The following STX1A variants were observed in gnomAD, a reference collection of about 807,000 sequenced individuals.
STX1A encodes the protein syntaxin 1A, also known as syntaxin-1A.
Under a neutral mutation model 37.8 loss-of-function variants are expected in STX1A, and 4 were observed. The observed-to-expected ratio is 0.11, with a 90% CI of 0.05 to 0.24. STX1A has a LOEUF of 0.24. Ranked by LOEUF, STX1A falls within the 10% of genes least tolerant of loss-of-function variation. STX1A has a pLI of 1.00. For synonymous variants in STX1A, 135 were observed against 147.4 expected (o/e 0.92, Z 0.61); for missense variants, 251 against 399.9 (o/e 0.63, Z 3.18).
rs1798592306 is a variant in STX1A, at chr7:73,700,145, C to G, written c.*262G>C. 1 of 549,704 alleles carries G rather than the reference C, an allele frequency of 1.8e-6. No homozygotes were observed. Among genetic ancestry groups the G allele is most frequent in the African/African-American group, 1.9e-5 (1 of 52,954 alleles). The allele number at this position is 549,704 out of a possible 1,614,324, so 34.1% of individuals were successfully genotyped here. A position where few individuals can be genotyped will look rare whatever the true frequency, so the allele number is the denominator to read the frequency against. On this transcript the variant is annotated 3_prime_UTR_variant, in exon 10 of 10. Coordinates refer to ENST00000222812, the MANE Select transcript of STX1A (RefSeq NM_004603.4). This position sits in a 1 kb window ranked among gnomAD's most constrained non-coding sequence, Gnocchi z 4.4. ...GTCACCCTGGCGGCCCTGCCTGGGTCTGCTCCTCGCTGTGCACACTGCATC... is the reference window on the plus strand; with the variant it reads ...GTCACCCTGGCGGCCCTGCCTGGGTGTGCTCCTCGCTGTGCACACTGCATC...
chr7:73,702,625 T>C lies in STX1A; in HGVS notation c.678+220A>G. Reference sequence around the variant, plus strand: ...CGGCGGGGTATAGAGGGTGGGGCCATGCAGGGCCTGGGGTCCTTGAAGCTC... The same window carrying C: ...CGGCGGGGTATAGAGGGTGGGGCCACGCAGGGCCTGGGGTCCTTGAAGCTC... On this transcript the variant is annotated intron_variant, in intron 8 of 9. Coordinates refer to ENST00000222812, the MANE Select transcript of STX1A (RefSeq NM_004603.4). The surrounding 1 kb of genome is among the most constrained non-coding windows in gnomAD (Gnocchi z 4.7). 1 of 1,395,044 alleles carries C rather than the reference T, an allele frequency of 7.2e-7. No homozygotes were observed. 86.4% of individuals were successfully genotyped at this position (1,395,044 alleles called of 1,614,324 possible).
intron 3 of STX1A, among the ~76,000 whole-genome samples, chr7:73,707,666 G>C (rs1025275143): frequency 6.6e-6 from 1 of 152,258 alleles, no homozygotes; most frequent in East Asian, 1.9e-4. Context: ...GGGCGTGGGG[G>C]CTCATGCCTG....
intron 4 of STX1A, chr7:73,704,766 C>T: frequency 2.0e-6 from 1 of 509,072 alleles, no homozygotes; most frequent in Non-Finnish European, 3.6e-6. Flanking sequence ...GCCAGGTGGC[C>T]CCTCCTGCAG....
chr7:73,715,278 C>T lies in STX1A; in HGVS notation c.30+4324G>A, dbSNP rs567579207. On this transcript the variant is annotated intron_variant, in intron 1 of 9. Transcript: ENST00000222812. ...TGCTACTAAAAATACAAAAATTAGC[C>T]GGGCATGGTGATGCACACCTGTAGT... is the stretch of plus-strand genomic sequence containing the variant. 1.3e-4 allele frequency among the ~76,000 whole-genome samples: 20 copies of T among 151,888 alleles called. No homozygotes were observed. In the South Asian group the frequency reaches 2.9e-3, roughly 22 times the overall value.
chr7:73,711,395 C>T lies in STX1A; in HGVS notation c.31-2273G>A, dbSNP rs554003955. On this transcript the variant is annotated intron_variant, in intron 1 of 9. Transcript: ENST00000222812. ...GGGTAGTTAGGAGCTTTGATAGAGG[C>T]GGCTCAGAGGGGCCTCCTCTCTTTA... The T allele has an allele frequency of 2.6e-5, 4 of 153,664 alleles. No homozygotes were observed. The South Asian group carries it at 6.2e-4, about 24-fold the overall frequency. The allele number at this position is 153,664 out of a possible 1,614,324, so 9.5% of individuals were successfully genotyped here. A position where few individuals can be genotyped will look rare whatever the true frequency, so the allele number is the denominator to read the frequency against.
chr7:73,718,982 G>T (rs1458036742), intron 1 of STX1A, among the ~76,000 whole-genome samples: 4 of 151,690 alleles, frequency 2.6e-5, no homozygotes, highest in Non-Finnish European at 4.4e-5. Context: ...CATACCTGGG[G>T]CGGGCAGTGG....
Position 73,700,186 on chromosome 7 carries a change from C to A in STX1A, c.*221G>T. ...ACACTGCATCACGCCCCGCTGGCTG[C>A]CTCCCTCTGCCTCTTCCCGTACAGA... is the stretch of plus-strand genomic sequence containing the variant. On this transcript the variant is annotated 3_prime_UTR_variant, in exon 10 of 10. Transcript: ENST00000222812. The surrounding 1 kb of genome is among the most constrained non-coding windows in gnomAD (Gnocchi z 4.4). 2 of 602,930 alleles carry A rather than the reference C, an allele frequency of 3.3e-6. No homozygotes were observed. The highest frequency in any genetic ancestry group is 5.9e-6 in the Non-Finnish European group (2 of 338,688). The allele number at this position is 602,930 out of a possible 1,614,324, so 37.3% of individuals were successfully genotyped here.
Position 73,704,750 on chromosome 7 carries a change from G to A in STX1A, c.284-327C>T, listed in dbSNP as rs2116738606. 4 of 512,806 alleles carry A rather than the reference G, an allele frequency of 7.8e-6. No homozygotes were observed. The East Asian group carries it at 1.0e-4, about 13-fold the overall frequency. 31.8% of individuals were successfully genotyped at this position (512,806 alleles called of 1,614,324 possible). A position where few individuals can be genotyped will look rare whatever the true frequency, so the allele number is the denominator to read the frequency against. On this transcript the variant is annotated intron_variant, in intron 4 of 9. Transcript: ENST00000222812. ...TGTACGAGGGACCATGCCCACAGCG[G>A]GGAGAGCCAGGTGGCCCCTCCTGCA...
chr7:73,701,044 T>C, intron 8 of STX1A: 1 of 978,096 alleles, frequency 1.0e-6, no homozygotes, highest in Non-Finnish European at 1.5e-6. Flanking sequence ...CTCCCACATT[T>C]CCCCGCAGAG....
In STX1A at chr7:73,700,124, C is replaced by G; in HGVS notation, c.*283G>C. 1.9e-6 allele frequency: 1 copy of G among 513,738 alleles called. No homozygotes were observed. 31.8% of individuals were successfully genotyped at this position (513,738 alleles called of 1,614,324 possible). On this transcript the variant is annotated 3_prime_UTR_variant, in exon 10 of 10. Coordinates refer to ENST00000222812, the MANE Select transcript of STX1A (RefSeq NM_004603.4). The surrounding 1 kb of genome is among the most constrained non-coding windows in gnomAD (Gnocchi z 4.4). ...AGGCAAGGAAGGGTGGCCTGTGTCA[C>G]CCTGGCGGCCCTGCCTGGGTCTGCT...
At chr7:73,713,684 C>A (rs1357767551) in intron 1 of STX1A, among the ~76,000 whole-genome samples, 1 of 152,176 alleles carries the variant, frequency 6.6e-6, no homozygotes, top group African/African-American at 2.4e-5. Flanking sequence ...GAGCTATGAT[C>A]GTGCCATTGC....
Position 73,700,508 on chromosome 7 carries a change from G to A in STX1A, c.790-24C>T. ...TTCTGCATGGGAAGCGGGCAGGAGA[G>A]GCCTCAGACAGTGTTGGCGGCAGGT... On this transcript the variant is annotated intron_variant, in intron 9 of 9. Transcript: ENST00000222812. This position sits in a 1 kb window ranked among gnomAD's most constrained non-coding sequence, Gnocchi z 4.4. 6.2e-7 allele frequency: 1 copy of A among 1,613,158 alleles called. No homozygotes were observed. Among genetic ancestry groups the A allele is most frequent in the Non-Finnish European group, 8.5e-7 (1 of 1,179,610 alleles).
intron 1 of STX1A, among the ~76,000 whole-genome samples, chr7:73,710,645 G>A (rs1220639744): frequency 1.3e-5 from 2 of 152,064 alleles, no homozygotes; most frequent in African/African-American, 4.8e-5. Flanking sequence ...GGCCGGTCTC[G>A]AACTCCTGAC....
At chr7:73,703,114 C>G (rs1798726519) in intron 7 of STX1A, 132 bp from the exon 8 acceptor site, 1 of 754,394 alleles carries the variant, frequency 1.3e-6, no homozygotes, top group Non-Finnish European at 2.1e-6. Context: ...AAGCCGCAGC[C>G]TTCCCCGCCT....
chr7:73,715,415 C>T (rs1178713429), intron 1 of STX1A, among the ~76,000 whole-genome samples: 10 of 150,756 alleles, frequency 6.6e-5, no homozygotes, highest in African/African-American at 1.5e-4. Flanking sequence ...TGCGAGACTC[C>T]GTCTAAAAAA....
In STX1A at chr7:73,700,760, C is replaced by T; in HGVS notation, c.759G>A (p.Lys253=). The part of the protein sequence containing the change: ...YVERAVSDTK[K]AVKYQSKARR... ...GCGCCTTGCTCTGGTACTTGACGGC[C>T]TTCTTGGTGTCAGACACGGCCCTCT... is the stretch of plus-strand genomic sequence containing the variant. The change falls in exon 9 of 10, where the codon AAG becomes AAA. Residue 253 remains lysine (K), a synonymous_variant. Coordinates refer to ENST00000222812, the MANE Select transcript of STX1A (RefSeq NM_004603.4). This position sits in a 1 kb window ranked among gnomAD's most constrained non-coding sequence, Gnocchi z 4.4. The T allele has an allele frequency of 6.2e-7, 1 of 1,613,840 alleles. No homozygotes were observed. The highest frequency in any genetic ancestry group is 8.5e-7 in the Non-Finnish European group (1 of 1,179,972).
chr7:73,702,741 G>T lies in STX1A; in HGVS notation c.678+104C>A. On this transcript the variant is annotated intron_variant, in intron 8 of 9. Transcript: ENST00000222812. The surrounding 1 kb of genome is among the most constrained non-coding windows in gnomAD (Gnocchi z 4.7). The stretch of plus-strand genomic sequence containing the variant: ...GGGTGATTGGTTACCTGAGAACTTG[G>T]TCCCTCCCCGGCAGGGCAGCGTGTC... 7 of 1,581,720 alleles carry T rather than the reference G, an allele frequency of 4.4e-6. No homozygotes were observed. Among genetic ancestry groups the T allele is most frequent in the Non-Finnish European group, 6.0e-6 (7 of 1,160,586 alleles).
Position 73,705,384 on chromosome 7 carries a change from C to A in STX1A, c.209-160G>T. The A allele has an allele frequency of 1.6e-6, 1 of 630,306 alleles. No homozygotes were observed. The highest frequency in any genetic ancestry group is 2.8e-6 in the Non-Finnish European group (1 of 356,200). 39.0% of individuals were successfully genotyped at this position (630,306 alleles called of 1,614,324 possible). On this transcript the variant is annotated intron_variant, in intron 3 of 9. Transcript: ENST00000222812. The surrounding 1 kb of genome is among the most constrained non-coding windows in gnomAD (Gnocchi z 5.2). Reference sequence around the variant, plus strand: ...GCTCTGCCTGCCCGCCCCCCTCCCCCAATTCTGGGCCAGGGCTGCACCAGC... The same window carrying A: ...GCTCTGCCTGCCCGCCCCCCTCCCCAAATTCTGGGCCAGGGCTGCACCAGC...
At chr7:73,708,288 AAG>A (rs1798956241) in intron 3 of STX1A, among the ~76,000 whole-genome samples, 1 of 150,182 alleles carries the variant, frequency 6.7e-6, no homozygotes, top group Non-Finnish European at 1.5e-5. Context: ...AAAAGAAAAA[AAG>A]AAAAAAAAGG....
Sources: gnomAD v4.1 joint callset for allele counts (sites outside exome capture counted in the v4.1 genomes callset) on GRCh38, gnomAD v4.1.1 for gene constraint, Gnocchi (gnomAD v3.1) non-coding constraint, MANE v1.5 for transcripts, NCBI Gene and HGNC (gene_info 2026-07-23, HGNC 2026-07-21) for gene names.